Variants in TP53I13 observed in about 807,000 individuals in gnomAD.
TP53I13 encodes the protein tumor protein p53 inducible protein 13, also known as tumor protein p53-inducible protein 13.
TP53I13 carries 27 observed loss-of-function variants against 39.1 expected under a neutral mutation model. The observed-to-expected ratio is 0.69, with a 90% CI of 0.51 to 0.95. TP53I13 has a LOEUF of 0.95. Ranked by LOEUF, TP53I13 falls within the 40% of genes least tolerant of loss-of-function variation. The pLI is 0.00. For synonymous variants in TP53I13, 230 were observed against 224.6 expected, an observed-to-expected ratio of 1.02 and a Z score of -0.22; for missense variants, 544 against 520.4, an observed-to-expected ratio of 1.05 and a Z score of -0.44.
chr17:29,581,466 C>T, the TP53I13 span: 1 of 1,075,152 alleles, frequency 9.3e-7, no homozygotes, highest in South Asian at 1.3e-5. The surrounding 1 kb of genome is among the most constrained non-coding windows in gnomAD (Gnocchi z 4.8). Context: ...ATGAGCAGGG[C>T]TGGCACCCAG....
chr17:29,575,488 A>C (rs2150822756), downstream of TP53I13: 2 of 1,593,714 alleles, frequency 1.3e-6, no homozygotes, highest in Middle Eastern at 1.7e-4. This position sits in a 1 kb window ranked among gnomAD's most constrained non-coding sequence, Gnocchi z 5.5. Flanking sequence ...CCAGGTCCAG[A>C]AAACAGAGAC....
At chr17:29,579,256 C>T in the TP53I13 span, 1 of 522,450 alleles carries the variant, frequency 1.9e-6, no homozygotes, top group Non-Finnish European at 3.4e-6. Context: ...CCTAGTGAAG[C>T]TCCCCAGGTT....
chr17:29,576,931 C>T, downstream of TP53I13: 1 of 1,590,582 alleles, frequency 6.3e-7, no homozygotes. Context: ...TCGTCAGAGG[C>T]CACGCTGTCG....
rs760791812 is a variant in TP53I13, at chr17:29,572,629, A to G, written c.1001A>G (p.His334Arg). The stretch of plus-strand genomic sequence containing the variant: ...CTGGCCACGCTCTGCACACGGCTGC[A>G]CAGAAACTTCCGACGCGGGGAGAGC... Reference protein sequence around the residue: ...LTLATLCTRLHRNFRRGESIY... With the variant: ...LTLATLCTRLRRNFRRGESIY... The change falls in exon 6 of 7, where the codon CAC becomes CGC. Residue 334 changes from histidine to arginine, a missense_variant. His to Arg is a conservative substitution (Grantham distance 29). Coordinates refer to ENST00000301057, the MANE Select transcript of TP53I13 (RefSeq NM_138349.4). 32 of 1,590,058 alleles carry G rather than the reference A, an allele frequency of 2.0e-5. No individual in the cohort carries two copies. The highest frequency in any genetic ancestry group is 5.4e-5 in the African/African-American group (4 of 74,302).
the TP53I13 span, chr17:29,581,922 C>G: frequency 6.2e-7 from 1 of 1,612,766 alleles, no homozygotes; most frequent in East Asian, 2.2e-5. The surrounding 1 kb of genome is among the most constrained non-coding windows in gnomAD (Gnocchi z 4.8). Flanking sequence ...TCAGCCGACC[C>G]TCACCTGGCA....
In TP53I13 at chr17:29,572,200, C is replaced by T. The variant is rs755022067; in HGVS notation, c.572C>T (p.Ser191Phe). Residue 191 changes from serine to phenylalanine, a missense_variant, in exon 6 of 7, where the codon TCT becomes TTT. Transcript: ENST00000301057. ...CGGCCCCCTGGCACAGAGGTGACAT[C>T]TCAAGGGCCCAGGCAGCCCTCTTCT... ...SWRPPGTEVTSQGPRQPSSSG... is the reference protein window; with the variant it reads ...SWRPPGTEVTFQGPRQPSSSG... 2.5e-6 allele frequency: 4 copies of T among 1,611,548 alleles called. No individual in the cohort carries two copies. The highest frequency in any genetic ancestry group is 3.4e-6 in the Non-Finnish European group (4 of 1,179,644).
chr17:29,574,191 T>A (rs2033097745), downstream of TP53I13: 1 of 152,422 alleles, frequency 6.6e-6, no homozygotes, highest in Admixed American at 6.6e-5. Flanking sequence ...GGTTGGGGCC[T>A]GTGCCCTAGG....
the TP53I13 span, among the ~76,000 whole-genome samples, chr17:29,580,492 G>A: frequency 6.6e-6 from 1 of 152,340 alleles, no homozygotes; most frequent in Non-Finnish European, 1.5e-5. Context: ...TGGCCACCAG[G>A]TGGCACCAGC....
downstream of TP53I13, chr17:29,577,812 G>A: frequency 2.2e-6 from 2 of 929,624 alleles, no homozygotes; most frequent in South Asian, 1.3e-5. Flanking sequence ...GGGAAGCACT[G>A]AGCCCAGCCT....
At chr17:29,576,943 A>C (rs1349299212), downstream of TP53I13, 2 of 1,597,548 alleles carry the variant, frequency 1.3e-6, no homozygotes, top group Non-Finnish European at 1.7e-6. Flanking sequence ...ACGCTGTCGT[A>C]GTCGTGTTGG....
chr17:29,566,571 A>G, upstream of TP53I13: 4 of 1,608,460 alleles, frequency 2.5e-6, no homozygotes, highest in Non-Finnish European at 3.4e-6. Flanking sequence ...CCACTAGCCC[A>G]TCGTCCGCCA....
chr17:29,578,227 A>G, the TP53I13 span: 2 of 1,243,678 alleles, frequency 1.6e-6, no homozygotes, highest in Non-Finnish European at 1.2e-6. Flanking sequence ...TTCTTAGCCC[A>G]GTAAAGGACC....
the TP53I13 span, chr17:29,580,979 A>C: frequency 3.7e-6 from 1 of 268,780 alleles, no homozygotes; most frequent in Non-Finnish European, 7.4e-6. Context: ...GGGTTTCTCC[A>C]TGTTGGCCAG....
chr17:29,571,567 G>A lies in TP53I13; in HGVS notation c.184-24G>A, dbSNP rs147837856. 222 of 1,612,386 alleles carry A rather than the reference G, an allele frequency of 1.4e-4. 2 individuals carry two copies. The East Asian group carries it at 2.9e-3, about 21-fold the overall frequency. The stretch of plus-strand genomic sequence containing the variant: ...TCTGGGAGGGCTCTGGGCCTGCTTT[G>A]ATGTCTCTGTGCCTTTCCTCCAGGC... On this transcript the variant is annotated intron_variant, in intron 3 of 6. Coordinates refer to ENST00000301057, the MANE Select transcript of TP53I13 (RefSeq NM_138349.4).
chr17:29,569,276 G>A, intron 2 of TP53I13, 42 bp from the exon 3 acceptor site: 1 of 1,606,132 alleles, frequency 6.2e-7, no homozygotes, highest in Non-Finnish European at 8.5e-7. Context: ...CACACACGGA[G>A]TCCCCCAACT....
downstream of TP53I13, chr17:29,575,689 G>A (rs866501754): frequency 6.2e-7 from 1 of 1,612,494 alleles, no homozygotes; most frequent in Non-Finnish European, 8.5e-7. This position sits in a 1 kb window ranked among gnomAD's most constrained non-coding sequence, Gnocchi z 5.5. Flanking sequence ...CACTGCCGTG[G>A]CGGGAAAGCT....
chr17:29,569,438 C>T (rs1169060436), intron 3 of TP53I13, 79 bp downstream of exon 3: 5 of 1,423,294 alleles, frequency 3.5e-6, no homozygotes, highest in East Asian at 2.3e-5. Context: ...GCTGCCTGTT[C>T]TGCTGATCGG....
At chr17:29,580,172 C>T in the TP53I13 span, among the ~76,000 whole-genome samples, 1 of 152,236 alleles carries the variant, frequency 6.6e-6, no homozygotes, top group African/African-American at 2.4e-5. Context: ...TGTGTCTCAG[C>T]TGCCTCTGTG....
chr17:29,569,640 C>CTCT (rs1313765708), intron 3 of TP53I13: 2 of 340,962 alleles, frequency 5.9e-6, no homozygotes, highest in Non-Finnish European at 1.1e-5. Flanking sequence ...GTGGAACTCT[C>CTCT]TCTGAGAGTA....
Sources: allele counts gnomAD v4.1 joint callset (sites outside exome capture counted in the v4.1 genomes callset), GRCh38; gene constraint gnomAD v4.1.1; non-coding constraint Gnocchi (gnomAD v3.1); transcripts MANE v1.5; gene names NCBI Gene and HGNC (gene_info 2026-07-23, HGNC 2026-07-21).